DPYD: variants seen among roughly 807,000 people sequenced by gnomAD.
DPYD encodes the protein dihydropyrimidine dehydrogenase.
In DPYD, 109 loss-of-function variants were observed where a neutral mutation model predicts 116.2. The ratio of observed to expected loss-of-function variants is 0.94; its 90% CI spans 0.80 to 1.10. The LOEUF (loss-of-function observed/expected upper bound fraction) is 1.10, where lower values mean the gene tolerates loss of function less well. DPYD is among the 50% of genes least tolerant of loss of function. The pLI is 0.00. For synonymous variants in DPYD, 440 were observed against 432.0 expected, an observed-to-expected ratio of 1.02 and a Z score of -0.23; for missense variants, 1,302 against 1,254.5, an observed-to-expected ratio of 1.04 and a Z score of -0.57.
chr1:97,203,662 A>AC (rs543772271), intron 19 of DPYD, among the ~76,000 whole-genome samples: 67 of 21,578 alleles, frequency 3.1e-3, no homozygotes, highest in South Asian at 9.4e-3. Context: ...ATGAGTTCAG[A>AC]CCCCCCCCCC....
In DPYD at chr1:97,432,493, T is replaced by G. The variant is rs146355369; in HGVS notation, c.1905+17566A>C. ...AAAATTCCACATCTTTTCATGACTG[T>G]TTTTCCACCTCTCCCACTAGATTTT... is the stretch of plus-strand genomic sequence containing the variant. On this transcript the variant is annotated intron_variant, in intron 14 of 22. Transcript: ENST00000370192. Among the ~76,000 whole-genome samples the G allele has an allele frequency of 4.3e-3, 650 of 152,250 alleles. 7 individuals carry two copies. The highest frequency in any genetic ancestry group is 0.015 in the African/African-American group (633 of 41,546).
At chr1:97,484,746 T>G (rs536013036) in intron 13 of DPYD, among the ~76,000 whole-genome samples, 1 of 152,250 alleles carries the variant, frequency 6.6e-6, no homozygotes, top group Non-Finnish European at 1.5e-5. Context: ...ACTCTTAAAA[T>G]ACATATTTAC....
At chr1:97,616,456 G>A (rs1436271373) in intron 8 of DPYD, among the ~76,000 whole-genome samples, 1 of 151,992 alleles carries the variant, frequency 6.6e-6, no homozygotes, top group East Asian at 1.9e-4. Context: ...ATCTTTTTGA[G>A]ACAGATAGGA....
rs938680293 is a variant in DPYD, at chr1:97,740,450, T to C, written c.263A>G (p.Gln88Arg). 8 of 1,613,116 alleles carry C rather than the reference T, an allele frequency of 5.0e-6. No homozygotes were observed. The highest frequency in any genetic ancestry group is 1.6e-4 in the Middle Eastern group (1 of 6,076). Residue 88 changes from glutamine (Q) to arginine (R), a missense_variant, in exon 4 of 23, where the codon CAG becomes CGG. By Grantham distance (43) the Gln-to-Arg change is conservative. Coordinates refer to ENST00000370192, the MANE Select transcript of DPYD (RefSeq NM_000110.4). The part of the protein sequence containing the change: ...RCLKCADAPC[Q>R]KSCPTNLDIK... Reference sequence around the variant, plus strand: ...ATCAAGATTAGTTGGACAGCTCTTCTGACACGGGGCATCTGCACATTTCAG... The same window carrying C: ...ATCAAGATTAGTTGGACAGCTCTTCCGACACGGGGCATCTGCACATTTCAG...
At chr1:97,517,261 C>A (rs1398286478) in intron 12 of DPYD, among the ~76,000 whole-genome samples, 2 of 152,000 alleles carry the variant, frequency 1.3e-5, no homozygotes, top group Admixed American at 6.6e-5. Context: ...ATTGGTTAGT[C>A]TGGGTGTGAA....
chr1:97,346,639 T>A (rs1669860407), intron 16 of DPYD, among the ~76,000 whole-genome samples: 1 of 151,914 alleles, frequency 6.6e-6, no homozygotes, highest in South Asian at 2.1e-4. Flanking sequence ...AAGGTCTATC[T>A]ACTTAAACTT....
chr1:97,590,463 C>T (rs940901364), intron 10 of DPYD, among the ~76,000 whole-genome samples: 22 of 152,154 alleles, frequency 1.4e-4, no homozygotes, highest in African/African-American at 4.8e-4. Flanking sequence ...GCTAAACAGG[C>T]GGAAGGTAAA....
chr1:97,736,393 A>G (rs1036161795), intron 4 of DPYD, among the ~76,000 whole-genome samples: 6 of 151,764 alleles, frequency 4.0e-5, no homozygotes, highest in African/African-American at 1.5e-4. Flanking sequence ...AAAAATTAAG[A>G]TAGTCTGGCA....
At chr1:97,359,205 G>C (rs1019555543) in intron 16 of DPYD, among the ~76,000 whole-genome samples, 1 of 152,078 alleles carries the variant, frequency 6.6e-6, no homozygotes, top group African/African-American at 2.4e-5. Flanking sequence ...GTGGAAGAAA[G>C]GGTATCAGTG....
rs114611308 is a variant in DPYD at position 97,516,707 on chromosome 1, C to T, written c.1525-766G>A. On this transcript the variant is annotated intron_variant, in intron 12 of 22. Coordinates refer to ENST00000370192, the MANE Select transcript of DPYD (RefSeq NM_000110.4). The stretch of plus-strand genomic sequence containing the variant: ...TTAATAAAAACACTTACTCTTAGCA[C>T]ATGGCACACTGAAACATCATACATA... Among the ~76,000 whole-genome samples the T allele has an allele frequency of 5.9e-3, 890 of 152,124 alleles. 11 individuals are homozygous for T. Among genetic ancestry groups the T allele is most frequent in the African/African-American group, 0.02 (848 of 41,530 alleles).
intron 8 of DPYD, among the ~76,000 whole-genome samples, chr1:97,640,783 C>T (rs1657845003): frequency 6.6e-6 from 1 of 151,938 alleles, no homozygotes; most frequent in South Asian, 2.1e-4. Flanking sequence ...CAAGTGGTCC[C>T]TCATAAAAAT....
At chr1:97,732,568 C>G (rs1663688926) in intron 4 of DPYD, among the ~76,000 whole-genome samples, 1 of 151,746 alleles carries the variant, frequency 6.6e-6, no homozygotes, top group Non-Finnish European at 1.5e-5. Context: ...ATTAATGACT[C>G]AATAGATAAT....
chr1:97,751,488 A>ATATATC (rs1664918864), intron 3 of DPYD, among the ~76,000 whole-genome samples: 1 of 131,224 alleles, frequency 7.6e-6, no homozygotes, highest in Admixed American at 7.9e-5. Context: ...ATATATATAT[A>ATATATC]TATATATGGC....
intron 13 of DPYD, among the ~76,000 whole-genome samples, chr1:97,511,031 T>G (rs2101961824): frequency 6.6e-6 from 1 of 152,004 alleles, no homozygotes; most frequent in South Asian, 2.1e-4. Context: ...GTGGAACATC[T>G]TGATCCCCAG....
At chr1:97,661,990 CTTTT>C (rs374466952) in intron 8 of DPYD, among the ~76,000 whole-genome samples, 2 of 116,634 alleles carry the variant, frequency 1.7e-5, no homozygotes, top group Admixed American at 9.7e-5. Flanking sequence ...TCCAAGTCAA[CTTTT>C]TTTTTTTTTT....
intron 10 of DPYD, among the ~76,000 whole-genome samples, chr1:97,579,193 C>T (rs888421770): frequency 6.6e-6 from 1 of 152,168 alleles, no homozygotes; most frequent in Non-Finnish European, 1.5e-5. Flanking sequence ...GTGAATGTCA[C>T]ATGGAAGGAC....
chr1:97,393,044 C>T (rs1197921270), intron 14 of DPYD, among the ~76,000 whole-genome samples: 1 of 151,994 alleles, frequency 6.6e-6, no homozygotes, highest in Non-Finnish European at 1.5e-5. Context: ...AGGCTGTTTT[C>T]TTTCTTATCA....
chr1:97,692,916 T>C (rs533509628), intron 6 of DPYD, among the ~76,000 whole-genome samples: 4 of 152,302 alleles, frequency 2.6e-5, no homozygotes, highest in Admixed American at 2.0e-4. Flanking sequence ...AAGTACAGCC[T>C]TTTCATTGTT....
chr1:97,326,380 A>G (rs759270147), intron 16 of DPYD, among the ~76,000 whole-genome samples: 3 of 151,910 alleles, frequency 2.0e-5, no homozygotes, highest in Non-Finnish European at 4.4e-5. Flanking sequence ...GGATCTCAGA[A>G]AGGAGTTTTG....
Sources: allele counts gnomAD v4.1 joint callset (sites outside exome capture counted in the v4.1 genomes callset), GRCh38; gene constraint gnomAD v4.1.1; transcripts MANE v1.5; gene names NCBI Gene and HGNC (gene_info 2026-07-23, HGNC 2026-07-21).